Variants in DAP observed in about 807,000 individuals in gnomAD.
The protein encoded by DAP is death-associated protein 1.
DAP carries 8 observed loss-of-function variants against 13.8 expected under a neutral mutation model. The observed-to-expected ratio is 0.58, with a 90% confidence interval of 0.34 to 1.05. The LOEUF (loss-of-function observed/expected upper bound fraction) is 1.05, where lower values mean the gene tolerates loss of function less well. DAP is among the 50% of genes least tolerant of loss of function. The pLI, the probability that DAP is intolerant of heterozygous loss-of-function variation, is 0.03. For synonymous variants in DAP, 47 were observed against 47.5 expected (o/e 0.99, Z 0.04); for missense variants, 106 against 133.2 (o/e 0.80, Z 1.01).
At chr5:10,754,168 TA>T (rs1215485021) in intron 1 of DAP, among the ~76,000 whole-genome samples, 1 of 152,092 alleles carries the variant, frequency 6.6e-6, no homozygotes, top group East Asian at 1.9e-4. Context: ...GTGGGAACCC[TA>T]AAAAGTGGAG....
intron 2 of DAP, among the ~76,000 whole-genome samples, chr5:10,731,231 G>A (rs140151681): frequency 4.1e-5 from 4 of 97,440 alleles, no homozygotes; most frequent in African/African-American, 7.8e-5. Context: ...GAGCCCTAGT[G>A]GGGGGGAATC....
At chr5:10,703,033 TTACCTAAGGC>T (rs1227425413) in intron 2 of DAP, among the ~76,000 whole-genome samples, 2 of 152,192 alleles carry the variant, frequency 1.3e-5, no homozygotes, top group Non-Finnish European at 2.9e-5. Context: ...TTTCGTCTCC[TTACCTAAGGC>T]TACTCCACAA....
intron 2 of DAP, among the ~76,000 whole-genome samples, chr5:10,691,071 TAATA>T (rs1738296361): frequency 2.0e-5 from 3 of 152,260 alleles, no homozygotes; most frequent in South Asian, 4.1e-4. Context: ...TGCCACAGAA[TAATA>T]AATATCAATC....
chr5:10,749,885 G>C (rs948291855), intron 1 of DAP, among the ~76,000 whole-genome samples: 1 of 151,998 alleles, frequency 6.6e-6, no homozygotes, highest in Non-Finnish European at 1.5e-5. Flanking sequence ...CATGTGTTTG[G>C]GGTCGGCACG....
chr5:10,742,927 A>G lies in DAP; in HGVS notation c.152+5248T>C, dbSNP rs536109464. ...CTGTATAGGTATGTTTGTATCTACC[A>G]TCCATCCATCCATCCATCCATCCAT... is the stretch of plus-strand genomic sequence containing the variant. On this transcript the variant is annotated intron_variant, in intron 2 of 3. Coordinates refer to ENST00000230895, the MANE Select transcript of DAP (RefSeq NM_004394.3). Among the ~76,000 whole-genome samples the G allele has an allele frequency of 4.0e-5, 6 of 151,786 alleles. No homozygotes were observed. The South Asian group carries it at 1.2e-3, about 31-fold the overall frequency.
intron 2 of DAP, among the ~76,000 whole-genome samples, chr5:10,684,198 G>A (rs1738101844): frequency 6.6e-6 from 1 of 152,210 alleles, no homozygotes; most frequent in Non-Finnish European, 1.5e-5. Flanking sequence ...ATGAGATCGT[G>A]AAACAGGCGC....
intron 1 of DAP, among the ~76,000 whole-genome samples, chr5:10,756,899 T>C (rs1234842622): frequency 8.5e-6 from 1 of 117,486 alleles, no homozygotes; most frequent in African/African-American, 3.2e-5. Context: ...GCATTTGCAA[T>C]AACTCATCAA....
chr5:10,760,067 T>C (rs1387962395), intron 1 of DAP, among the ~76,000 whole-genome samples: 1 of 152,140 alleles, frequency 6.6e-6, no homozygotes, highest in Non-Finnish European at 1.5e-5. Context: ...GAATCTTTAT[T>C]GTCAAGAAAA....
At chr5:10,708,292 GCA>G (rs1738749499) in intron 2 of DAP, among the ~76,000 whole-genome samples, 1 of 151,212 alleles carries the variant, frequency 6.6e-6, no homozygotes, top group South Asian at 2.1e-4. Context: ...GGGCACAAGT[GCA>G]CACACACACA....
chr5:10,687,658 T>C (rs1360235713), intron 2 of DAP, among the ~76,000 whole-genome samples: 1 of 151,130 alleles, frequency 6.6e-6, no homozygotes. Context: ...AAGAAAGTGA[T>C]TTCTTGAGCT....
chr5:10,754,844 G>T (rs1740139608), intron 1 of DAP, among the ~76,000 whole-genome samples: 1 of 152,216 alleles, frequency 6.6e-6, no homozygotes, highest in Non-Finnish European at 1.5e-5. Flanking sequence ...TGGATTGGGG[G>T]CATCAAACTG....
In DAP at chr5:10,680,749, G is replaced by A. The variant is rs1020524345; in HGVS notation, c.*307C>T. ...TGTTTTTAAGACCATAGACAAGGAC[G>A]TCAGGTGACTGCTGAAATAGAACTA... On this transcript the variant is annotated 3_prime_UTR_variant, in exon 4 of 4. Coordinates refer to ENST00000230895, the MANE Select transcript of DAP (RefSeq NM_004394.3). 4.6e-6 allele frequency: 7 copies of A among 1,536,292 alleles called. No homozygotes were observed. The Admixed American group carries it at 1.2e-4, about 26-fold the overall frequency.
intron 2 of DAP, among the ~76,000 whole-genome samples, chr5:10,683,818 C>CT (rs1370583060): frequency 6.6e-6 from 1 of 152,114 alleles, no homozygotes; most frequent in African/African-American, 2.4e-5. Flanking sequence ...AGTGAATTGC[C>CT]TTCAACCACT....
chr5:10,690,396 T>TATCA (rs5745274), intron 2 of DAP, among the ~76,000 whole-genome samples: 6,306 of 152,334 alleles, frequency 0.041, 193 homozygotes, highest in South Asian at 0.081. Context: ...ATTATTATGC[T>TATCA]ATCATCACCT....
intron 2 of DAP, among the ~76,000 whole-genome samples, chr5:10,717,810 G>A (rs1739031073): frequency 6.6e-6 from 1 of 151,370 alleles, no homozygotes; most frequent in South Asian, 2.1e-4. Context: ...GTAGAGCTAT[G>A]GCATTGGCTA....
intron 1 of DAP, among the ~76,000 whole-genome samples, chr5:10,750,613 T>A (rs894394750): frequency 6.6e-6 from 1 of 152,224 alleles, no homozygotes; most frequent in African/African-American, 2.4e-5. Flanking sequence ...CCTACAGCTT[T>A]TGTCTCAAAT....
chr5:10,689,731 G>A (rs1738254579), intron 2 of DAP, among the ~76,000 whole-genome samples: 1 of 152,200 alleles, frequency 6.6e-6, no homozygotes, highest in Non-Finnish European at 1.5e-5. Context: ...CATTCTGCTG[G>A]ATGTGGTGCT....
chr5:10,685,353 A>AAAG (rs1738131587), intron 2 of DAP, among the ~76,000 whole-genome samples: 1 of 102,482 alleles, frequency 9.8e-6, no homozygotes, highest in African/African-American at 4.7e-5. Flanking sequence ...CTCAAGTTTA[A>AAAG]AAGTCCCGCC....
rs766657924 is a variant in DAP at position 10,680,406 on chromosome 5, C to T, written c.*650G>A. ...AGATCTCATGCCAGAAGTCCTCCCT[C>T]GGAGCTACCTGTCTCCAGCCTCATT... On this transcript the variant is annotated 3_prime_UTR_variant, in exon 4 of 4. Transcript: ENST00000230895. The T allele has an allele frequency of 4.4e-5, 15 of 344,430 alleles. No homozygotes were observed. The highest frequency in any genetic ancestry group is 7.6e-5 in the South Asian group (2 of 26,338). The allele number at this position is 344,430 out of a possible 1,614,324, so 21.3% of individuals were successfully genotyped here.
Sources: gnomAD v4.1 joint callset for allele counts (sites outside exome capture counted in the v4.1 genomes callset) on GRCh38, gnomAD v4.1.1 for gene constraint, MANE v1.5 for transcripts, NCBI Gene and HGNC (gene_info 2026-07-23, HGNC 2026-07-21) for gene names.